MAGT1: variants seen among roughly 807,000 people sequenced by gnomAD.
MAGT1 encodes the protein dolichyl-diphosphooligosaccharide--protein glycosyltransferase subunit MAGT1.
Under a neutral mutation model 28.4 loss-of-function variants are expected in MAGT1, and 4 were observed. The ratio of observed to expected loss-of-function variants is 0.14; its 90% confidence interval spans 0.07 to 0.32. The LOEUF is 0.32. Ranked by LOEUF, MAGT1 falls within the 10% of genes least tolerant of loss-of-function variation. The pLI is 1.00. For synonymous variants in MAGT1, 89 were observed against 89.7 expected, an observed-to-expected ratio of 0.99 and a Z score of 0.04; for missense variants, 193 against 264.5, an observed-to-expected ratio of 0.73 and a Z score of 1.88.
Position 77,855,418 on chromosome X carries a change from A to G in MAGT1, c.762+83T>C. The G allele has an allele frequency of 5.8e-6, 4 of 684,955 alleles. No individual in the cohort carries two copies. The South Asian group carries it at 6.9e-5, about 12-fold the overall frequency. The allele number at this position is 684,955 out of a possible 1,213,427, so 56.4% of individuals were successfully genotyped here. A position where few individuals can be genotyped will look rare whatever the true frequency, so the allele number is the denominator to read the frequency against. ...AGTGAAGACTAAATCCAGCTCCTTC[A>G]TATGCTGGCACTGTTCTCACAGGGT... On this transcript the variant is annotated intron_variant, in intron 6 of 9. Coordinates refer to ENST00000618282, the MANE Select transcript of MAGT1 (RefSeq NM_001367916.1).
intron 7 of MAGT1, among the ~76,000 whole-genome samples, chrX:77,851,967 C>T (rs1369353622): frequency 9.2e-6 from 1 of 109,018 alleles, no homozygotes; most frequent in Non-Finnish European, 1.9e-5. Context: ...CACACGATCT[C>T]TGCTCACTGC....
rs782547949 is a variant in MAGT1 at position 77,830,852 on chromosome X, A to G, written c.945T>C (p.Ser315=). The G allele has an allele frequency of 6.9e-6, 8 of 1,162,736 alleles. No homozygotes were observed. The highest frequency in any genetic ancestry group is 9.3e-6 in the Non-Finnish European group (8 of 864,012). ...TAGATCTAAAAATAGAGAGCATCCA[A>G]CTGAAGAATAATACAACAAGTCCAA... ...AGIGLVVLFF[S]WMLSIFRSKY... Residue 315 remains serine, a synonymous_variant, in exon 9 of 10, where the codon AGT becomes AGC. Coordinates refer to ENST00000618282, the MANE Select transcript of MAGT1 (RefSeq NM_001367916.1).
At chrX:77,830,202 G>A (rs782689782) in intron 9 of MAGT1, among the ~76,000 whole-genome samples, 39 of 112,113 alleles carry the variant, frequency 3.5e-4, no homozygotes, top group Non-Finnish European at 6.2e-4. Flanking sequence ...TGCAGCTGTA[G>A]TCCTAGCCTC....
Position 77,842,663 on chromosome X carries a change from C to CT in MAGT1, c.827-1344dup, listed in dbSNP as rs1457046146. 8.2e-5 allele frequency among the ~76,000 whole-genome samples: 9 copies of CT among 110,208 alleles called. No homozygotes were observed. The Middle Eastern group carries it at 0.019, about 230-fold the overall frequency. ...CCAACATGGCAAAAACCCGTTTCTA[C>CT]TAAAAATACAAAAATTAGCCGGGCG... is the stretch of plus-strand genomic sequence containing the variant. On this transcript the variant is annotated intron_variant, in intron 7 of 9. Transcript: ENST00000618282.
intron 9 of MAGT1, among the ~76,000 whole-genome samples, chrX:77,829,529 T>G (rs2076892037): frequency 9.0e-6 from 1 of 111,430 alleles, no homozygotes. Flanking sequence ...CAGTCTGGTC[T>G]GGGACTCCCA....
chrX:77,889,885 T>C (rs1173603725), intron 1 of MAGT1, among the ~76,000 whole-genome samples: 3 of 112,100 alleles, frequency 2.7e-5, no homozygotes, highest in African/African-American at 9.7e-5. Context: ...GTCTTATTCA[T>C]TATGTTTTTT....
At position 77,893,395 on chromosome X, in the gene MAGT1, G is replaced by A. The variant is rs145137532; in HGVS notation, c.102+1914C>T. On this transcript the variant is annotated intron_variant, in intron 1 of 9. Transcript: ENST00000618282. The stretch of plus-strand genomic sequence containing the variant: ...TCCAAGAGAGTACAGAAAGATCAAG[G>A]AAGGCATGTAATTTATTGCCTTAAC... Among the ~76,000 whole-genome samples, 678 of 111,299 alleles carry A rather than the reference G, an allele frequency of 6.1e-3. 4 individuals carry two copies. Among genetic ancestry groups the A allele is most frequent in the Non-Finnish European group, 9.9e-3 (524 of 53,048 alleles).
At chrX:77,864,919 C>G (rs2077004483) in intron 3 of MAGT1, among the ~76,000 whole-genome samples, 1 of 111,664 alleles carries the variant, frequency 9.0e-6, no homozygotes, top group Non-Finnish European at 1.9e-5. Flanking sequence ...ACCATGTTGG[C>G]CAGGCTGGTG....
chrX:77,847,609 CTTTT>C (rs782595247), intron 7 of MAGT1, among the ~76,000 whole-genome samples: 1 of 93,099 alleles, frequency 1.1e-5, no homozygotes, highest in African/African-American at 3.9e-5. Flanking sequence ...TCATTTCTTT[CTTTT>C]TTTTTTTTTT....
chrX:77,883,084 A>G (rs992619011), intron 1 of MAGT1, among the ~76,000 whole-genome samples: 1 of 102,106 alleles, frequency 9.8e-6, no homozygotes, highest in Non-Finnish European at 2.0e-5. Flanking sequence ...TAATTATAAT[A>G]TGTATTATAT....
intron 1 of MAGT1, among the ~76,000 whole-genome samples, chrX:77,881,421 C>G (rs1407025654): frequency 1.2e-5 from 1 of 83,142 alleles, no homozygotes; most frequent in Non-Finnish European, 2.3e-5. Flanking sequence ...CCCCTCCCCC[C>G]ACCCCACAAC....
Position 77,827,368 on chromosome X carries a change from A to T in MAGT1, c.*1852T>A, listed in dbSNP as rs545345228. 5 of 111,524 alleles carry T rather than the reference A, an allele frequency of 4.5e-5. No individual in the cohort carries two copies. The East Asian group carries it at 1.1e-3, about 25-fold the overall frequency. 9.2% of individuals were successfully genotyped at this position (111,524 alleles called of 1,213,427 possible). On this transcript the variant is annotated 3_prime_UTR_variant, in exon 10 of 10. Coordinates refer to ENST00000618282, the MANE Select transcript of MAGT1 (RefSeq NM_001367916.1). ...ATAGAACAGCTTTCGAGAAACGCTTAATTTCTATATACAGGCATCAGCTCA... is the reference window on the plus strand; with the variant it reads ...ATAGAACAGCTTTCGAGAAACGCTTTATTTCTATATACAGGCATCAGCTCA...
At chrX:77,878,213 C>T (rs782586584) in intron 1 of MAGT1, among the ~76,000 whole-genome samples, 12 of 93,110 alleles carry the variant, frequency 1.3e-4, no homozygotes, top group South Asian at 6.0e-4. Flanking sequence ...CGCTTGAACC[C>T]GGGAGACGGA....
intron 1 of MAGT1, among the ~76,000 whole-genome samples, chrX:77,893,434 T>C (rs1557219651): frequency 9.0e-6 from 1 of 111,585 alleles, no homozygotes; most frequent in African/African-American, 3.3e-5. Flanking sequence ...AAATTCACCA[T>C]ATTGACCATT....
Position 77,885,048 on chromosome X carries a change from C to A in MAGT1, c.103-9451G>T, listed in dbSNP as rs781823796. Among the ~76,000 whole-genome samples the A allele has an allele frequency of 3.1e-5, 3 of 95,551 alleles. No homozygotes were observed. In the East Asian group the frequency reaches 9.9e-4, roughly 31 times the overall value. 83.0% of individuals were successfully genotyped at this position (95,551 alleles called of 115,157 possible). On this transcript the variant is annotated intron_variant, in intron 1 of 9. Transcript: ENST00000618282. ...CTGCACTTCAGCCTGGGTGACACAG[C>A]GAGACTCCATCTCAAAAAAAAAAAA...
At chrX:77,884,904 C>A (rs1033187200) in intron 1 of MAGT1, among the ~76,000 whole-genome samples, 4 of 108,002 alleles carry the variant, frequency 3.7e-5, no homozygotes, top group Admixed American at 3.0e-4. Context: ...AACCCCGTCT[C>A]TACTAAAATT....
At chrX:77,834,244 G>A (rs2076908103) in intron 8 of MAGT1, among the ~76,000 whole-genome samples, 1 of 67,052 alleles carries the variant, frequency 1.5e-5, no homozygotes, top group Non-Finnish European at 3.3e-5. Flanking sequence ...GTATATATAT[G>A]CATATATATA....
chrX:77,827,832 A>G lies in MAGT1; in HGVS notation c.*1388T>C, dbSNP rs1377377365. On this transcript the variant is annotated 3_prime_UTR_variant, in exon 10 of 10. Transcript: ENST00000618282. ...TTTGTAGAAACATTTTAGGCCATGT[A>G]TAAGTTACACTGATTTTAGCACTAA... 2 of 111,713 alleles carry G rather than the reference A, an allele frequency of 1.8e-5. No homozygotes were observed. Among genetic ancestry groups the G allele is most frequent in the Non-Finnish European group, 3.8e-5 (2 of 53,155 alleles). The allele number at this position is 111,713 out of a possible 1,213,427, so 9.2% of individuals were successfully genotyped here.
intron 3 of MAGT1, among the ~76,000 whole-genome samples, chrX:77,865,926 C>G: frequency 1.4e-5 from 1 of 71,411 alleles, no homozygotes; most frequent in Non-Finnish European, 3.4e-5. Context: ...GAGGCCAAGG[C>G]GGGCAGATCA....
Sources: allele counts gnomAD v4.1 joint callset (sites outside exome capture counted in the v4.1 genomes callset), GRCh38; gene constraint gnomAD v4.1.1; transcripts MANE v1.5; gene names NCBI Gene and HGNC (gene_info 2026-07-23, HGNC 2026-07-21).